The following CACNB2 variants were observed in gnomAD, a reference collection of about 807,000 sequenced individuals.
CACNB2 encodes voltage-dependent L-type calcium channel subunit beta-2.
CACNB2 carries 42 observed loss-of-function variants against 73.3 expected under a neutral mutation model. That is an observed-to-expected ratio of 0.57 (90% CI 0.45 to 0.74). The LOEUF is 0.74. Among genes scored for constraint, CACNB2 ranks in the 30% least tolerant of loss-of-function variants. CACNB2 has a pLI of 0.00. For missense variants in CACNB2, 940 were observed against 853.0 expected (o/e 1.10, Z -1.27); for synonymous variants, 348 against 310.3 (o/e 1.12, Z -1.28).
intron 2 of CACNB2, among the ~76,000 whole-genome samples, chr10:18,333,058 C>T (rs1344651261): frequency 1.3e-5 from 2 of 152,094 alleles, no homozygotes; most frequent in African/African-American, 4.8e-5. Context: ...CTTGAAGTGG[C>T]AGCTTTCATG....
intron 2 of CACNB2, among the ~76,000 whole-genome samples, chr10:18,387,985 G>A (rs763600408): frequency 7.9e-5 from 12 of 152,034 alleles, no homozygotes; most frequent in African/African-American, 2.7e-4. Context: ...TCAAACTGCC[G>A]AGCTCAAGCA....
At position 18,541,132 on chromosome 10, in the gene CACNB2, A is replaced by G. The variant is rs1027390818; in HGVS notation, c.*1408A>G. ...CCCACTTCAATTTCTAACCTTGCCT[A>G]TTGTTCCTGTTGTTTGTTTACCTCC... On this transcript the variant is annotated 3_prime_UTR_variant, in exon 14 of 14. Coordinates refer to ENST00000324631, the MANE Select transcript of CACNB2 (RefSeq NM_201596.3). 6.6e-6 allele frequency: 1 copy of G among 152,574 alleles called. No individual in the cohort carries two copies. Among genetic ancestry groups the G allele is most frequent in the Non-Finnish European group, 1.5e-5 (1 of 68,026 alleles). 9.5% of individuals were successfully genotyped at this position (152,574 alleles called of 1,614,324 possible).
In CACNB2 at chr10:18,408,946, G is replaced by C. The variant is rs547086363; in HGVS notation, c.333+6903G>C. Among the ~76,000 whole-genome samples the C allele has an allele frequency of 6.6e-5, 10 of 152,202 alleles. No homozygotes were observed. The East Asian group carries it at 1.7e-3, about 26-fold the overall frequency. ...CTGCTTACTGCATCCTCGAGCTCCTGGGCTCAAGTGATCCTCCCACCTCAG... is the reference window on the plus strand; with the variant it reads ...CTGCTTACTGCATCCTCGAGCTCCTCGGCTCAAGTGATCCTCCCACCTCAG... On this transcript the variant is annotated intron_variant, in intron 3 of 13. Transcript: ENST00000324631.
rs1181735089 is a variant in CACNB2 at position 18,142,845 on chromosome 10, G to C, written c.120+1989G>C. 6.6e-5 allele frequency among the ~76,000 whole-genome samples: 10 copies of C among 152,266 alleles called. No homozygotes were observed. In the East Asian group the frequency reaches 1.3e-3, roughly 21 times the overall value. On this transcript the variant is annotated intron_variant, in intron 1 of 13. Transcript: ENST00000324631. ...AGCAGCAATTAGGATATATGTATAG[G>C]GGCTGGAAGAGAAGTTCTGACTAGT...
chr10:18,194,901 A>G (rs1336066942), intron 2 of CACNB2, among the ~76,000 whole-genome samples: 1 of 152,190 alleles, frequency 6.6e-6, no homozygotes, highest in Non-Finnish European at 1.5e-5. Flanking sequence ...GTTGATTTCC[A>G]GTTTCTCAGA....
intron 2 of CACNB2, among the ~76,000 whole-genome samples, chr10:18,352,641 T>C (rs1443601429): frequency 6.6e-6 from 1 of 152,242 alleles, no homozygotes; most frequent in Non-Finnish European, 1.5e-5. Flanking sequence ...GCGTACTTAA[T>C]TGTTATATGA....
chr10:18,317,374 G>A (rs112363231), intron 2 of CACNB2, among the ~76,000 whole-genome samples: 5 of 152,028 alleles, frequency 3.3e-5, no homozygotes, highest in African/African-American at 9.7e-5. Context: ...CCCAATAGAT[G>A]GTTTTTCACC....
At chr10:18,534,948 G>A (rs557885510) in intron 11 of CACNB2, among the ~76,000 whole-genome samples, 1 of 152,268 alleles carries the variant, frequency 6.6e-6, no homozygotes, top group South Asian at 2.1e-4. Context: ...AGCATGTGTT[G>A]CCAATGATAA....
At chr10:18,400,164 G>T (rs1273701502) in intron 2 of CACNB2, among the ~76,000 whole-genome samples, 1 of 152,150 alleles carries the variant, frequency 6.6e-6, no homozygotes, top group Non-Finnish European at 1.5e-5. Context: ...TCACTCTCTT[G>T]CATCTTGTTT....
intron 2 of CACNB2, among the ~76,000 whole-genome samples, chr10:18,336,636 A>G (rs899344860): frequency 1.1e-4 from 17 of 152,176 alleles, no homozygotes; most frequent in Non-Finnish European, 2.9e-5. Flanking sequence ...AAGAAAAAAA[A>G]AAAGATGACT....
chr10:18,261,102 A>T lies in CACNB2; in HGVS notation c.213+110127A>T, dbSNP rs1351770784. 11 of 1,481,726 alleles carry T rather than the reference A, an allele frequency of 7.4e-6. 1 individual carries two copies. The Admixed American group carries it at 1.0e-4, about 14-fold the overall frequency. The allele number at this position is 1,481,726 out of a possible 1,614,324, so 91.8% of individuals were successfully genotyped here. A position where few individuals can be genotyped will look rare whatever the true frequency, so the allele number is the denominator to read the frequency against. ...AACAAAGTTTTGGCATGCCTGCAGG[A>T]ACGGTGGCTTTTTTAGAAACTACCT... On this transcript the variant is annotated intron_variant, in intron 2 of 13. Coordinates refer to ENST00000324631, the MANE Select transcript of CACNB2 (RefSeq NM_201596.3).
At chr10:18,456,827 C>A (rs1037561196) in intron 3 of CACNB2, among the ~76,000 whole-genome samples, 1 of 152,138 alleles carries the variant, frequency 6.6e-6, no homozygotes. Flanking sequence ...GAATTTCTTT[C>A]CTTTTTAAGG....
chr10:18,390,500 C>T (rs1201161410), intron 2 of CACNB2, among the ~76,000 whole-genome samples: 7 of 152,220 alleles, frequency 4.6e-5, no homozygotes, highest in Non-Finnish European at 7.3e-5. Flanking sequence ...GCATGAGCCA[C>T]GGGGCCCAGC....
Position 18,540,948 on chromosome 10 carries a change from CCTT to C in CACNB2, c.*1225_*1227del, listed in dbSNP as rs1480060330. The C allele has an allele frequency of 2.6e-5, 4 of 152,602 alleles. No homozygotes were observed. The highest frequency in any genetic ancestry group is 5.9e-5 in the Non-Finnish European group (4 of 68,042). The allele number at this position is 152,602 out of a possible 1,614,324, so 9.5% of individuals were successfully genotyped here. A position where few individuals can be genotyped will look rare whatever the true frequency, so the allele number is the denominator to read the frequency against. ...CTAGGAAAGCATTCATCTGCTGCCT[CCTT>C]GTTTTTGCTCCTAGAGAGTGAAAAT... On this transcript the variant is annotated 3_prime_UTR_variant, in exon 14 of 14. Coordinates refer to ENST00000324631, the MANE Select transcript of CACNB2 (RefSeq NM_201596.3).
chr10:18,338,971 C>A (rs997294912), intron 2 of CACNB2, among the ~76,000 whole-genome samples: 11 of 152,042 alleles, frequency 7.2e-5, no homozygotes, highest in African/African-American at 2.7e-4. Context: ...AACTCCTGGG[C>A]TCAAATGATC....
rs147244545 is a variant in CACNB2 at position 18,308,273 on chromosome 10, C to T, written c.214-93651C>T. Among the ~76,000 whole-genome samples, 539 of 152,132 alleles carry T rather than the reference C, an allele frequency of 3.5e-3. 2 individuals are homozygous for T. The highest frequency in any genetic ancestry group is 0.012 in the African/African-American group (509 of 41,484). On this transcript the variant is annotated intron_variant, in intron 2 of 13. Transcript: ENST00000324631. ...CCTCCCAAATTGCTGGGATTATAGGCGTGAACCACCACGCCCAAGCTTTAC... is the reference window on the plus strand; with the variant it reads ...CCTCCCAAATTGCTGGGATTATAGGTGTGAACCACCACGCCCAAGCTTTAC...
intron 2 of CACNB2, among the ~76,000 whole-genome samples, chr10:18,386,472 G>C (rs957791004): frequency 1.5e-5 from 2 of 134,542 alleles, no homozygotes; most frequent in African/African-American, 5.6e-5. Flanking sequence ...GCGCCATCTC[G>C]GCTCACTGCA....
At chr10:18,448,073 C>T (rs1038673967) in intron 3 of CACNB2, among the ~76,000 whole-genome samples, 2 of 152,220 alleles carry the variant, frequency 1.3e-5, no homozygotes, top group East Asian at 3.9e-4. Context: ...CTCACTGTAG[C>T]CTCAAACTCT....
chr10:18,492,936 A>G (rs536046932), intron 3 of CACNB2, among the ~76,000 whole-genome samples: 1 of 152,314 alleles, frequency 6.6e-6, no homozygotes, highest in African/African-American at 2.4e-5. Context: ...ATGCCTATTA[A>G]TAAGCACTTA....
Sources: gnomAD v4.1 joint callset for allele counts (sites outside exome capture counted in the v4.1 genomes callset) on GRCh38, gnomAD v4.1.1 for gene constraint, MANE v1.5 for transcripts, NCBI Gene and HGNC (gene_info 2026-07-23, HGNC 2026-07-21) for gene names.